Variants in MBNL2 observed in about 807,000 individuals in gnomAD.
MBNL2 encodes the protein muscleblind like splicing regulator 2.
MBNL2 carries 17 observed loss-of-function variants against 41.9 expected under a neutral mutation model. The ratio of observed to expected loss-of-function variants is 0.41; its 90% CI spans 0.28 to 0.61. The LOEUF (loss-of-function observed/expected upper bound fraction) is 0.61, where lower values mean the gene tolerates loss of function less well. Among genes scored for constraint, MBNL2 ranks in the 20% least tolerant of loss-of-function variants. The pLI is 0.35. For missense variants in MBNL2, 336 were observed against 505.6 expected, an observed-to-expected ratio of 0.66 and a Z score of 3.22; for synonymous variants, 195 against 182.9, an observed-to-expected ratio of 1.07 and a Z score of -0.53.
intron 2 of MBNL2, among the ~76,000 whole-genome samples, chr13:97,308,877 T>C (rs2058345513): frequency 6.6e-6 from 1 of 152,132 alleles, no homozygotes; most frequent in African/African-American, 2.4e-5. Flanking sequence ...ATGACAATGG[T>C]CATAACCCTT....
At chr13:97,327,136 G>T (rs1363640467) in intron 2 of MBNL2, among the ~76,000 whole-genome samples, 1 of 152,172 alleles carries the variant, frequency 6.6e-6, no homozygotes, top group African/African-American at 2.4e-5. Flanking sequence ...GTGGCACAAG[G>T]ACGAAAACAG....
chr13:97,253,601 C>A (rs1335517394), intron 1 of MBNL2, among the ~76,000 whole-genome samples: 1 of 152,096 alleles, frequency 6.6e-6, no homozygotes, highest in Non-Finnish European at 1.5e-5. Context: ...ATCAAGGTTT[C>A]TCAGATGAGG....
At chr13:97,265,698 A>T (rs1288984004) in intron 1 of MBNL2, among the ~76,000 whole-genome samples, 1 of 152,154 alleles carries the variant, frequency 6.6e-6, no homozygotes, top group African/African-American at 2.4e-5. Flanking sequence ...TCAAGAACTA[A>T]TGTTGATACA....
chr13:97,312,273 C>G (rs528073736), intron 2 of MBNL2, among the ~76,000 whole-genome samples: 2 of 152,294 alleles, frequency 1.3e-5, no homozygotes, highest in East Asian at 3.9e-4. Context: ...TCAGTTGTTA[C>G]ATAAAAAGTA....
the MBNL2 span, among the ~76,000 whole-genome samples, chr13:97,192,388 G>C: frequency 6.6e-6 from 1 of 152,188 alleles, no homozygotes; most frequent in Non-Finnish European, 1.5e-5. Context: ...CCACCTGGCA[G>C]GTGTCAAATG....
intron 3 of MBNL2, among the ~76,000 whole-genome samples, chr13:97,339,206 TGTGA>T (rs772752322): frequency 7.5e-5 from 5 of 66,840 alleles, no homozygotes; most frequent in Non-Finnish European, 1.4e-4. Context: ...GTGTTGTGTG[TGTGA>T]GTGTATGGGA....
chr13:97,153,526 T>C, the MBNL2 span, among the ~76,000 whole-genome samples: 1 of 152,174 alleles, frequency 6.6e-6, no homozygotes, highest in Admixed American at 6.6e-5. Flanking sequence ...AAAATGAACC[T>C]CGTAGAACAA....
chr13:97,202,984 G>T, the MBNL2 span, among the ~76,000 whole-genome samples: 1,360 of 152,230 alleles, frequency 8.9e-3, 21 homozygotes, highest in African/African-American at 0.031. Context: ...CTTGTTTTGT[G>T]CTCCTCCTCC....
intron 2 of MBNL2, among the ~76,000 whole-genome samples, chr13:97,287,345 C>G: frequency 6.6e-6 from 1 of 152,188 alleles, no homozygotes; most frequent in Non-Finnish European, 1.5e-5. Context: ...AATAAAGACA[C>G]TGAAATACGT....
intron 2 of MBNL2, among the ~76,000 whole-genome samples, chr13:97,285,408 C>T (rs1269316712): frequency 1.3e-5 from 2 of 152,194 alleles, no homozygotes; most frequent in Non-Finnish European, 2.9e-5. Flanking sequence ...TTGCTGGAGA[C>T]AGCAGAAAAT....
chr13:97,312,638 T>C (rs968650313), intron 2 of MBNL2, among the ~76,000 whole-genome samples: 47 of 152,204 alleles, frequency 3.1e-4, no homozygotes, highest in Non-Finnish European at 1.2e-4. Flanking sequence ...TCATAACCCA[T>C]AGTTTGCTCT....
chr13:97,300,684 C>A (rs553590119), intron 2 of MBNL2, among the ~76,000 whole-genome samples: 1 of 152,306 alleles, frequency 6.6e-6, no homozygotes, highest in South Asian at 2.1e-4. Context: ...TTTTCACCTT[C>A]AACATCTTTA....
At chr13:97,323,082 C>T (rs1208318268) in intron 2 of MBNL2, among the ~76,000 whole-genome samples, 2 of 152,170 alleles carry the variant, frequency 1.3e-5, no homozygotes, top group African/African-American at 4.8e-5. Flanking sequence ...AGATGGAAGT[C>T]ATTTCCAGTG....
intron 2 of MBNL2, among the ~76,000 whole-genome samples, chr13:97,327,780 T>C (rs2060031754): frequency 6.6e-6 from 1 of 152,038 alleles, no homozygotes; most frequent in Admixed American, 6.6e-5. Flanking sequence ...ACTGACAGAA[T>C]GAGAATAGCA....
intron 1 of MBNL2, among the ~76,000 whole-genome samples, chr13:97,256,888 A>G (rs546992895): frequency 2.0e-5 from 3 of 152,222 alleles, no homozygotes; most frequent in Non-Finnish European, 4.4e-5. Flanking sequence ...ATTACCACCA[A>G]CAAGACACAT....
chr13:97,223,507 G>T (rs983598163), intron 1 of MBNL2, among the ~76,000 whole-genome samples: 1 of 152,184 alleles, frequency 6.6e-6, no homozygotes, highest in Admixed American at 6.5e-5. Flanking sequence ...TACAATAAAT[G>T]TGTAACATTT....
chr13:97,327,845 G>A (rs1334450924), intron 2 of MBNL2, among the ~76,000 whole-genome samples: 1 of 152,160 alleles, frequency 6.6e-6, no homozygotes, highest in African/African-American at 2.4e-5. Flanking sequence ...ATAAGGAAAT[G>A]GAGCAGGTAT....
chr13:97,167,880 CAAATT>C, the MBNL2 span, among the ~76,000 whole-genome samples: 33 of 152,130 alleles, frequency 2.2e-4, no homozygotes, highest in East Asian at 2.7e-3. Context: ...ATATATTTGT[CAAATT>C]AAATTAATAT....
intron 2 of MBNL2, among the ~76,000 whole-genome samples, chr13:97,280,933 C>G (rs1280240985): frequency 6.6e-6 from 1 of 152,192 alleles, no homozygotes; most frequent in Admixed American, 6.5e-5. Flanking sequence ...CCATTTCCTT[C>G]TCACCTGGCT....
Sources: gnomAD v4.1 joint callset for allele counts (sites outside exome capture counted in the v4.1 genomes callset) on GRCh38, gnomAD v4.1.1 for gene constraint, MANE v1.5 for transcripts, NCBI Gene and HGNC (gene_info 2026-07-23, HGNC 2026-07-21) for gene names.